The following METTL21A variants were observed in gnomAD, a reference collection of about 807,000 sequenced individuals.
METTL21A encodes protein N-lysine methyltransferase METTL21A.
In METTL21A, 22 loss-of-function variants were observed where a neutral mutation model predicts 20.9. That is an observed-to-expected ratio of 1.05 (90% CI 0.75 to 1.50). METTL21A has a LOEUF of 1.50. METTL21A is among the 40% of genes most tolerant of loss of function. The probability of loss-of-function intolerance (pLI) is 0.00; values close to 1 mark genes in which losing one functional copy is unlikely to be tolerated. For missense variants in METTL21A, 271 were observed against 266.8 expected (o/e 1.02, Z -0.11); for synonymous variants, 93 against 102.0 (o/e 0.91, Z 0.53).
intron 1 of METTL21A, 129 bp from the exon 2 acceptor site, chr2:207,624,533 T>C: frequency 2.5e-6 from 2 of 810,270 alleles, no homozygotes; most frequent in Non-Finnish European, 3.6e-6. Flanking sequence ...GAGGAAGCCT[T>C]TGTCCAATTT....
At chr2:207,624,501 A>G in intron 1 of METTL21A, 97 bp from the exon 2 acceptor site, 1 of 1,038,518 alleles carries the variant, frequency 9.6e-7, no homozygotes, top group Non-Finnish European at 1.3e-6. Context: ...TTACAAGTTC[A>G]AAAGAAAAAA....
intron 3 of METTL21A, among the ~76,000 whole-genome samples, chr2:207,585,856 A>G (rs2083727995): frequency 1.3e-5 from 2 of 152,188 alleles, no homozygotes; most frequent in Non-Finnish European, 2.9e-5. Context: ...AAAAGGATGA[A>G]GAAAGCCTAC....
At position 207,582,095 on chromosome 2, in the gene METTL21A, T is replaced by G. The variant is rs527808651; in HGVS notation, c.*52A>C. 89 of 702,828 alleles carry G rather than the reference T, an allele frequency of 1.3e-4. No homozygotes were observed. The African/African-American group carries it at 1.4e-3, about 11-fold the overall frequency. 43.5% of individuals were successfully genotyped at this position (702,828 alleles called of 1,614,324 possible). On this transcript the variant is annotated 3_prime_UTR_variant, in exon 4 of 4. Coordinates refer to the METTL21A transcript ENST00000425132. ...TAAAGTGCTGTCCAGGTGTCTCCACTGTTGAGCTACCATTTTTCTCTTTGT... is the reference window on the plus strand; with the variant it reads ...TAAAGTGCTGTCCAGGTGTCTCCACGGTTGAGCTACCATTTTTCTCTTTGT...
At chr2:207,621,620 G>C (rs991195806) in intron 3 of METTL21A, among the ~76,000 whole-genome samples, 186 bp downstream of exon 3, 1 of 152,168 alleles carries the variant, frequency 6.6e-6, no homozygotes, top group Non-Finnish European at 1.5e-5. Context: ...AAATTAGAGA[G>C]AGAGAAATTA....
intron 3 of METTL21A, chr2:207,600,869 A>C: frequency 4.9e-6 from 1 of 204,174 alleles, no homozygotes; most frequent in East Asian, 7.5e-5. Flanking sequence ...AGGAAGAAAT[A>C]CGTTTGTTTA....
At chr2:207,591,960 A>G (rs2085125798) in intron 3 of METTL21A, among the ~76,000 whole-genome samples, 2 of 152,154 alleles carry the variant, frequency 1.3e-5, no homozygotes, top group East Asian at 1.9e-4. Context: ...ATTTCCTTAT[A>G]TAAATCCATG....
chr2:207,587,355 C>T (rs200158435), intron 3 of METTL21A, among the ~76,000 whole-genome samples: 10 of 149,738 alleles, frequency 6.7e-5, no homozygotes, highest in East Asian at 2.0e-4. Flanking sequence ...ATCGCACCAC[C>T]GCACTACAGC....
chr2:207,597,121 G>A, intron 3 of METTL21A: 1 of 1,480,832 alleles, frequency 6.8e-7, no homozygotes, highest in South Asian at 1.3e-5. Context: ...CAACCTGAAA[G>A]ACAAAATAAA....
chr2:207,596,107 C>T (rs191050899), intron 3 of METTL21A, among the ~76,000 whole-genome samples: 4 of 152,216 alleles, frequency 2.6e-5, no homozygotes, highest in Admixed American at 6.5e-5. Flanking sequence ...TTAGGTCTTA[C>T]GGTTAGGTCT....
At chr2:207,612,457 T>A (rs1045281975), downstream of METTL21A, 2 of 150,892 alleles carry the variant, frequency 1.3e-5, no homozygotes, top group African/African-American at 4.9e-5. Flanking sequence ...ATTCCTTTAT[T>A]TATATATATA....
At chr2:207,620,453 TAAATAAAATAAAATA>T (rs58925319) in intron 3 of METTL21A, among the ~76,000 whole-genome samples, 2 of 146,754 alleles carry the variant, frequency 1.4e-5, no homozygotes, top group Admixed American at 6.8e-5. Context: ...AAAAAATAAA[TAAATAAAATAAAATA>T]AAATAAAATA....
chr2:207,586,438 A>G (rs528909874), intron 3 of METTL21A, among the ~76,000 whole-genome samples: 2 of 152,316 alleles, frequency 1.3e-5, no homozygotes, highest in East Asian at 3.9e-4. Flanking sequence ...ATACTTAAAC[A>G]TAAGACCCCA....
rs562006832 is a variant in METTL21A at position 207,593,493 on chromosome 2, G to T, written c.260-11333C>A. On this transcript the variant is annotated intron_variant, in intron 3 of 3. Coordinates refer to the METTL21A transcript ENST00000425132. Reference sequence around the variant, plus strand: ...TGCAGTGAGCCCTCATTGTGCCACTGCACTCCAGCCTGGGCAGCAGAGCAA... The same window carrying T: ...TGCAGTGAGCCCTCATTGTGCCACTTCACTCCAGCCTGGGCAGCAGAGCAA... 2.0e-5 allele frequency among the ~76,000 whole-genome samples: 3 copies of T among 152,296 alleles called. No homozygotes were observed. In the South Asian group the frequency reaches 6.2e-4, roughly 32 times the overall value.
intron 3 of METTL21A, among the ~76,000 whole-genome samples, chr2:207,586,953 T>C (rs1225915021): frequency 6.6e-6 from 1 of 152,198 alleles, no homozygotes; most frequent in African/African-American, 2.4e-5. Flanking sequence ...TTAGTTAGAA[T>C]GGCTATAATC....
downstream of METTL21A, chr2:207,612,087 C>CTTTTT (rs57522071): frequency 5.3e-5 from 1 of 18,758 alleles, no homozygotes; most frequent in African/African-American, 2.4e-4. Flanking sequence ...ATTTCAGGTG[C>CTTTTT]TTTTTTTTTT....
At chr2:207,596,552 G>T (rs983455370) in intron 3 of METTL21A, among the ~76,000 whole-genome samples, 1 of 152,170 alleles carries the variant, frequency 6.6e-6, no homozygotes, top group African/African-American at 2.4e-5. Flanking sequence ...CCATGGCTCA[G>T]CCTTCCAAGT....
intron 3 of METTL21A, chr2:207,620,758 C>T (rs1412388397): frequency 6.9e-7 from 1 of 1,456,154 alleles, no homozygotes; most frequent in Non-Finnish European, 9.1e-7. Context: ...CCACCCCTGC[C>T]CATGCTCCCT....
At chr2:207,594,086 G>A (rs2085633286) in intron 3 of METTL21A, among the ~76,000 whole-genome samples, 1 of 152,130 alleles carries the variant, frequency 6.6e-6, no homozygotes, top group Admixed American at 6.5e-5. Context: ...GGAAATTAAG[G>A]TTAAGTAATA....
chr2:207,594,954 G>T (rs2085820913), intron 3 of METTL21A, among the ~76,000 whole-genome samples: 1 of 145,902 alleles, frequency 6.9e-6, no homozygotes, highest in Admixed American at 6.8e-5. Context: ...TAGTGGTTTT[G>T]ATTTGCATTT....
Sources: allele counts gnomAD v4.1 joint callset (sites outside exome capture counted in the v4.1 genomes callset), GRCh38; gene constraint gnomAD v4.1.1; transcripts MANE v1.5; gene names NCBI Gene and HGNC (gene_info 2026-07-23, HGNC 2026-07-21).